The following CPOX variants were observed in gnomAD, a reference collection of about 807,000 sequenced individuals.
CPOX encodes the protein oxygen-dependent coproporphyrinogen-III oxidase, mitochondrial.
CPOX carries 24 observed loss-of-function variants against 48.9 expected under a neutral mutation model. The observed-to-expected ratio is 0.49, with a 90% CI of 0.36 to 0.69. CPOX has a LOEUF of 0.69. Among genes scored for constraint, CPOX ranks in the 30% least tolerant of loss-of-function variants. The pLI is 0.00. For synonymous variants in CPOX, 249 were observed against 234.6 expected, an observed-to-expected ratio of 1.06 and a Z score of -0.56; for missense variants, 549 against 597.3, an observed-to-expected ratio of 0.92 and a Z score of 0.84.
chr3:98,584,909 C>A (rs576817851), intron 5 of CPOX, among the ~76,000 whole-genome samples: 3 of 152,278 alleles, frequency 2.0e-5, no homozygotes, highest in Admixed American at 6.5e-5. Flanking sequence ...CATCTGAGAT[C>A]TTAAATTTAC....
downstream of CPOX, among the ~76,000 whole-genome samples, chr3:98,575,145 A>G (rs914267236): frequency 4.1e-4 from 62 of 152,242 alleles, no homozygotes; most frequent in Non-Finnish European, 2.4e-4. Context: ...TTGCTATTAC[A>G]TAAGAGGCAT....
intron 5 of CPOX, among the ~76,000 whole-genome samples, chr3:98,583,857 T>C (rs977550249): frequency 3.3e-5 from 5 of 152,120 alleles, no homozygotes; most frequent in Admixed American, 2.6e-4. Flanking sequence ...AGAGAAGAAC[T>C]GGAGTTATCT....
intron 6 of CPOX, 115 bp from the exon 7 acceptor site, chr3:98,580,885 C>T (rs1457409914): frequency 1.6e-6 from 2 of 1,218,140 alleles, no homozygotes; most frequent in South Asian, 1.4e-5. Flanking sequence ...AAGCCTTATA[C>T]TTCTTTGTCT....
At chr3:98,582,252 T>C (rs1707271891) in intron 5 of CPOX, among the ~76,000 whole-genome samples, 1 of 152,148 alleles carries the variant, frequency 6.6e-6, no homozygotes, top group Non-Finnish European at 1.5e-5. Context: ...TAACATAGGA[T>C]GTAAACGGGT....
chr3:98,590,784 T>G lies in CPOX; in HGVS notation c.701-42A>C, dbSNP rs776330385. The stretch of plus-strand genomic sequence containing the variant: ...GAGTCATGAGCTATATTCAGTTACC[T>G]TGAATGCCTTGATACAATTTCACTC... On this transcript the variant is annotated intron_variant, in intron 2 of 6. Transcript: ENST00000647941. 3 of 1,375,072 alleles carry G rather than the reference T, an allele frequency of 2.2e-6. No homozygotes were observed. In the East Asian group the frequency reaches 6.9e-5, roughly 32 times the overall value. 85.2% of individuals were successfully genotyped at this position (1,375,072 alleles called of 1,614,324 possible). A position where few individuals can be genotyped will look rare whatever the true frequency, so the allele number is the denominator to read the frequency against.
intron 2 of CPOX, 27 bp from the exon 3 acceptor site, chr3:98,590,769 CTAT>C (rs781504073): frequency 7.4e-5 from 112 of 1,505,998 alleles, no homozygotes; most frequent in Non-Finnish European, 1.0e-4. Context: ...GAGTCATGAG[CTAT>C]ATTCAGTTAC....
In CPOX at chr3:98,580,603, C is replaced by G; in HGVS notation, c.*80G>C. ...GACTAAGGCACGGGTAACTGCCACA[C>G]AGTGGCAAAGTGCCGACCAGTGGCA... On this transcript the variant is annotated 3_prime_UTR_variant, in exon 7 of 7. Coordinates refer to ENST00000647941, the MANE Select transcript of CPOX (RefSeq NM_000097.7). The G allele has an allele frequency of 1.2e-6, 2 of 1,607,150 alleles. No homozygotes were observed. Among genetic ancestry groups the G allele is most frequent in the Non-Finnish European group, 1.7e-6 (2 of 1,176,446 alleles).
chr3:98,590,871 T>C, intron 2 of CPOX, 129 bp from the exon 3 acceptor site: 1 of 1,257,588 alleles, frequency 8.0e-7, no homozygotes, highest in Non-Finnish European at 1.1e-6. Flanking sequence ...AAAAACATAA[T>C]TTTAAAAAAG....
chr3:98,584,061 T>TA (rs1231827781), intron 5 of CPOX, among the ~76,000 whole-genome samples: 2 of 152,162 alleles, frequency 1.3e-5, no homozygotes, highest in African/African-American at 4.8e-5. Flanking sequence ...AAACGATGTA[T>TA]AAAAAACAAA....
Position 98,593,075 on chromosome 3 carries a change from T to G in CPOX, c.430A>C (p.Arg144=). The change falls in exon 1 of 7, where the codon AGG becomes CGG. Residue 144 remains arginine, a synonymous_variant. Transcript: ENST00000647941. ...PVTDLGELRR[R]PGDMKTKMEL... is the part of the protein sequence containing the mutation. ...ATCTTGGTCTTCATGTCGCCCGGCC[T>G]CCTTCGCAGCTCGCCCAGGTCGGTC... 6.2e-7 allele frequency: 1 copy of G among 1,613,938 alleles called. No individual in the cohort carries two copies.
At chr3:98,576,072 CAAAA>C (rs56988806), downstream of CPOX, among the ~76,000 whole-genome samples, 294 of 71,388 alleles carry the variant, frequency 4.1e-3, no homozygotes, top group Middle Eastern at 0.017. Context: ...AACTCTGCCT[CAAAA>C]AAAAAAAAAA....
At chr3:98,583,112 G>A (rs1000315871) in intron 5 of CPOX, among the ~76,000 whole-genome samples, 3 of 152,172 alleles carry the variant, frequency 2.0e-5, no homozygotes, top group East Asian at 1.9e-4. Flanking sequence ...AAGACCTATC[G>A]CAGAGACCCT....
chr3:98,590,179 GCT>G (rs1165058602), intron 3 of CPOX, among the ~76,000 whole-genome samples: 2 of 152,158 alleles, frequency 1.3e-5, no homozygotes, highest in Non-Finnish European at 2.9e-5. Context: ...ACGGAGTCTC[GCT>G]CTGTCACCCA....
At chr3:98,581,592 G>T in intron 5 of CPOX, 81 bp from the exon 6 acceptor site, 2 of 1,167,094 alleles carry the variant, frequency 1.7e-6, no homozygotes, top group Non-Finnish European at 1.3e-6. Flanking sequence ...CTTAAAAAGG[G>T]GTGGGTTCTT....
At chr3:98,583,364 A>C (rs1462663330) in intron 5 of CPOX, among the ~76,000 whole-genome samples, 1 of 152,222 alleles carries the variant, frequency 6.6e-6, no homozygotes, top group Non-Finnish European at 1.5e-5. Context: ...TCTGCAGATT[A>C]ACAGCAATCA....
At chr3:98,578,753 T>C (rs1232227643), downstream of CPOX, among the ~76,000 whole-genome samples, 1 of 152,230 alleles carries the variant, frequency 6.6e-6, no homozygotes, top group Non-Finnish European at 1.5e-5. Context: ...CCCATGTTAC[T>C]GTCATTAGCA....
At chr3:98,587,970 A>T (rs955519995) in intron 4 of CPOX, among the ~76,000 whole-genome samples, 2 of 152,208 alleles carry the variant, frequency 1.3e-5, no homozygotes, top group Non-Finnish European at 2.9e-5. Flanking sequence ...TTTCAGTAGT[A>T]ATATTAAATC....
intron 5 of CPOX, among the ~76,000 whole-genome samples, chr3:98,583,407 A>G (rs921198247): frequency 3.9e-4 from 59 of 152,272 alleles, no homozygotes; most frequent in African/African-American, 1.4e-3. Flanking sequence ...CAGCATTTTC[A>G]TATTTGTTTT....
At chr3:98,581,195 C>T (rs1707251659) in intron 6 of CPOX, among the ~76,000 whole-genome samples, 1 of 152,122 alleles carries the variant, frequency 6.6e-6, no homozygotes, top group Admixed American at 6.5e-5. Flanking sequence ...TCTAGTCTCT[C>T]CTTGCCCTCA....
Sources: allele counts gnomAD v4.1 joint callset (sites outside exome capture counted in the v4.1 genomes callset), GRCh38; gene constraint gnomAD v4.1.1; transcripts MANE v1.5; gene names NCBI Gene and HGNC (gene_info 2026-07-23, HGNC 2026-07-21).